Variants in SNX9 observed in about 807,000 individuals in gnomAD.
The protein encoded by SNX9 is sorting nexin 9.
Under a neutral mutation model 89.4 loss-of-function variants are expected in SNX9, and 44 were observed. The observed-to-expected ratio is 0.49, with a 90% CI of 0.39 to 0.63. The LOEUF (loss-of-function observed/expected upper bound fraction) is 0.63, where lower values mean the gene tolerates loss of function less well. Among genes scored for constraint, SNX9 ranks in the 30% least tolerant of loss-of-function variants. The pLI is 0.00. For synonymous variants in SNX9, 236 were observed against 247.8 expected, an observed-to-expected ratio of 0.95 and a Z score of 0.45; for missense variants, 578 against 736.1, an observed-to-expected ratio of 0.79 and a Z score of 2.49.
intron 4 of SNX9, among the ~76,000 whole-genome samples, chr6:157,896,150 G>A (rs1381041418): frequency 1.3e-5 from 2 of 152,168 alleles, no homozygotes; most frequent in Non-Finnish European, 2.9e-5. Context: ...AGGCCAAGTC[G>A]ATCTGTAACT....
At position 157,942,822 on chromosome 6, in the gene SNX9, G is replaced by A. The variant is rs139632031; in HGVS notation, c.1772G>A (p.Arg591His). Residue 591 changes from arginine to histidine, a missense_variant, in exon 18 of 18, where the codon CGC becomes CAC. Coordinates refer to ENST00000392185, the MANE Select transcript of SNX9 (RefSeq NM_016224.5). ...IAEKLRQALS[R>H]FPVM ...GAAAAGCTGAGGCAGGCCCTCAGCC[G>A]CTTTCCAGTGATGTAGGACAGAACG... 691 of 1,613,826 alleles carry A rather than the reference G, an allele frequency of 4.3e-4. 2 individuals are homozygous for A. In the African/African-American group the frequency reaches 8.1e-3, roughly 19 times the overall value.
chr6:157,908,683 T>G (rs1463439062), intron 7 of SNX9, among the ~76,000 whole-genome samples: 1 of 152,158 alleles, frequency 6.6e-6, no homozygotes, highest in Admixed American at 6.5e-5. Flanking sequence ...AAACCAGGTT[T>G]GGGACAGCAG....
intron 17 of SNX9, among the ~76,000 whole-genome samples, chr6:157,941,500 T>C (rs1427278643): frequency 6.6e-6 from 1 of 152,256 alleles, no homozygotes; most frequent in African/African-American, 2.4e-5. Context: ...AAATTTTTCT[T>C]ACCTCTGCTT....
At chr6:157,881,534 G>A (rs1782623620) in intron 4 of SNX9, among the ~76,000 whole-genome samples, 1 of 152,208 alleles carries the variant, frequency 6.6e-6, no homozygotes, top group Non-Finnish European at 1.5e-5. Flanking sequence ...AAAAGCTGAA[G>A]CAGGCCAAAA....
At chr6:157,867,410 T>C (rs1782286422) in intron 1 of SNX9, 137 bp from the exon 2 acceptor site, 1 of 618,784 alleles carries the variant, frequency 1.6e-6, no homozygotes, top group Admixed American at 2.5e-5. Flanking sequence ...TTTGGTAATG[T>C]CTTCCTTTCT....
chr6:157,887,304 C>G (rs577630254), intron 4 of SNX9, among the ~76,000 whole-genome samples: 1 of 152,310 alleles, frequency 6.6e-6, no homozygotes, highest in Non-Finnish European at 1.5e-5. Context: ...AGTTTTCCAT[C>G]TAGGCTGGTG....
intron 1 of SNX9, among the ~76,000 whole-genome samples, chr6:157,867,093 T>C (rs1273018248): frequency 6.6e-6 from 1 of 152,098 alleles, no homozygotes; most frequent in Admixed American, 6.6e-5. Flanking sequence ...GTACTACAGG[T>C]GCTGGCTACA....
intron 9 of SNX9, among the ~76,000 whole-genome samples, chr6:157,918,844 A>G (rs1783525333): frequency 6.6e-6 from 1 of 152,084 alleles, no homozygotes; most frequent in South Asian, 2.1e-4. Flanking sequence ...CAGTAAAATA[A>G]AGAAATTTTT....
At chr6:157,895,234 G>C (rs1782954987) in intron 4 of SNX9, among the ~76,000 whole-genome samples, 1 of 152,196 alleles carries the variant, frequency 6.6e-6, no homozygotes, top group South Asian at 2.1e-4. Flanking sequence ...GCTGAAACTG[G>C]CTTTAAGGCC....
At chr6:157,850,650 G>C (rs1781893364) in intron 1 of SNX9, among the ~76,000 whole-genome samples, 1 of 152,130 alleles carries the variant, frequency 6.6e-6, no homozygotes, top group South Asian at 2.1e-4. Flanking sequence ...TAACCCCCAA[G>C]AGCTCCCTTA....
intron 13 of SNX9, among the ~76,000 whole-genome samples, chr6:157,933,768 C>T (rs185936316): frequency 3.9e-5 from 6 of 152,296 alleles, no homozygotes; most frequent in African/African-American, 1.4e-4. Flanking sequence ...GGAATTTTGG[C>T]CATCATGATG....
intron 1 of SNX9, among the ~76,000 whole-genome samples, chr6:157,848,775 C>A (rs140172024): frequency 3.3e-5 from 5 of 152,084 alleles, no homozygotes; most frequent in African/African-American, 9.7e-5. Context: ...GTACAGCAGC[C>A]GTAAAATGAT....
At chr6:157,896,239 C>T (rs985863121) in intron 4 of SNX9, among the ~76,000 whole-genome samples, 1 of 152,168 alleles carries the variant, frequency 6.6e-6, no homozygotes, top group African/African-American at 2.4e-5. Flanking sequence ...AGGCGTATTT[C>T]TCAAATTGCA....
chr6:157,883,787 C>A (rs770152473), intron 4 of SNX9, among the ~76,000 whole-genome samples: 1 of 152,214 alleles, frequency 6.6e-6, no homozygotes, highest in Non-Finnish European at 1.5e-5. Context: ...ACCATGTCTT[C>A]TATAAAACCT....
chr6:157,894,392 G>A (rs1481910437), intron 4 of SNX9, among the ~76,000 whole-genome samples: 1 of 148,560 alleles, frequency 6.7e-6, no homozygotes, highest in East Asian at 2.0e-4. Flanking sequence ...TTATAGGCAT[G>A]AGCCACTGTG....
At chr6:157,824,146 G>C (rs1781297021) in intron 1 of SNX9, among the ~76,000 whole-genome samples, 1 of 152,250 alleles carries the variant, frequency 6.6e-6, no homozygotes, top group African/African-American at 2.4e-5. Context: ...TTACGTGGTG[G>C]AACTTTGACT....
chr6:157,926,817 T>G (rs1227143975), intron 10 of SNX9, among the ~76,000 whole-genome samples: 2 of 151,446 alleles, frequency 1.3e-5, no homozygotes, highest in Admixed American at 6.6e-5. Flanking sequence ...ATAGGGTGTT[T>G]CTGTTTGCTG....
chr6:157,921,022 C>T (rs1023436878), intron 9 of SNX9, among the ~76,000 whole-genome samples: 3 of 152,170 alleles, frequency 2.0e-5, no homozygotes, highest in African/African-American at 7.2e-5. Flanking sequence ...TAAATTTAAA[C>T]TTGTATAGAT....
intron 4 of SNX9, among the ~76,000 whole-genome samples, chr6:157,888,170 C>T (rs1286199496): frequency 1.3e-5 from 2 of 152,294 alleles, no homozygotes; most frequent in African/African-American, 2.4e-5. Flanking sequence ...CTGATTTTGT[C>T]TGGACTCTCT....
Sources: gnomAD v4.1 joint callset for allele counts (sites outside exome capture counted in the v4.1 genomes callset) on GRCh38, gnomAD v4.1.1 for gene constraint, MANE v1.5 for transcripts, NCBI Gene and HGNC (gene_info 2026-07-23, HGNC 2026-07-21) for gene names.